The following CNTN4 variants were observed in gnomAD, a reference collection of about 807,000 sequenced individuals.
The protein encoded by CNTN4 is contactin 4.
In CNTN4, 77 loss-of-function variants were observed where a neutral mutation model predicts 122.5. The observed-to-expected ratio is 0.63, with a 90% CI of 0.52 to 0.76. The LOEUF (loss-of-function observed/expected upper bound fraction) is 0.76, where lower values mean the gene tolerates loss of function less well. Among genes scored for constraint, CNTN4 ranks in the 30% least tolerant of loss-of-function variants. CNTN4 has a pLI of 0.00. For missense variants in CNTN4, 1,256 were observed against 1,259.1 expected (o/e 1.00, Z 0.04); for synonymous variants, 512 against 447.0 (o/e 1.15, Z -1.83).
chr3:3,039,913 C>G (rs1032867081), intron 19 of CNTN4, 124 bp from the exon 20 acceptor site: 3 of 743,172 alleles, frequency 4.0e-6, no homozygotes, highest in African/African-American at 3.5e-5. Context: ...AGACTGTTAA[C>G]AAAACGCCAA....
chr3:2,828,137 G>A (rs1162271043), intron 7 of CNTN4, among the ~76,000 whole-genome samples: 1 of 152,050 alleles, frequency 6.6e-6, no homozygotes, highest in African/African-American at 2.4e-5. Context: ...GTATGTGTGT[G>A]TGTGTGCGTG....
At chr3:2,535,357 C>A (rs560141516) in intron 3 of CNTN4, among the ~76,000 whole-genome samples, 4 of 152,252 alleles carry the variant, frequency 2.6e-5, no homozygotes, top group East Asian at 3.9e-4. Flanking sequence ...TTACTGATAT[C>A]TGTCTTCACT....
At chr3:2,890,294 C>T (rs1330422456) in intron 10 of CNTN4, among the ~76,000 whole-genome samples, 1 of 152,150 alleles carries the variant, frequency 6.6e-6, no homozygotes, top group Admixed American at 6.5e-5. Context: ...TGGTCTGGGT[C>T]TTCCCAGTGC....
intron 3 of CNTN4, among the ~76,000 whole-genome samples, chr3:2,554,743 T>C (rs1047839914): frequency 1.3e-5 from 2 of 152,208 alleles, no homozygotes; most frequent in African/African-American, 2.4e-5. Flanking sequence ...AAATAGATGT[T>C]AGACTTTCGG....
chr3:2,400,461 CCTT>C (rs1333690477), intron 3 of CNTN4, among the ~76,000 whole-genome samples: 2 of 81,260 alleles, frequency 2.5e-5, no homozygotes, highest in Non-Finnish European at 5.5e-5. Flanking sequence ...CTCTTTTTTT[CCTT>C]CTTCTTAAAT....
chr3:2,757,893 A>G lies in CNTN4; in HGVS notation c.358+12196A>G, dbSNP rs117665362. On this transcript the variant is annotated intron_variant, in intron 6 of 24. Coordinates refer to ENST00000418658, the MANE Select transcript of CNTN4 (RefSeq NM_175607.3). ...CTCTCAGTAGATGGCACTGAAGGTA[A>G]TTTATCCCTGAAATATGTATTTAGG... 1.9e-3 allele frequency among the ~76,000 whole-genome samples: 282 copies of G among 152,336 alleles called. 3 individuals carry two copies. In the East Asian group the frequency reaches 0.046, roughly 25 times the overall value.
At chr3:2,839,828 C>T (rs555353593) in intron 7 of CNTN4, among the ~76,000 whole-genome samples, 139 of 152,246 alleles carry the variant, frequency 9.1e-4, no homozygotes, top group African/African-American at 3.1e-3. Context: ...AGTGTATGCC[C>T]GCAGAGCAGT....
chr3:2,686,718 G>A lies in CNTN4; in HGVS notation c.56-49497G>A, dbSNP rs150327744. The stretch of plus-strand genomic sequence containing the variant: ...GTCTCTGCTTTCACATTTCACTAAA[G>A]CTGTAGTACCCCAACTTCTAAGTCC... On this transcript the variant is annotated intron_variant, in intron 4 of 24. Transcript: ENST00000418658. Among the ~76,000 whole-genome samples the A allele has an allele frequency of 7.2e-5, 11 of 152,230 alleles. No homozygotes were observed. The East Asian group carries it at 2.1e-3, about 29-fold the overall frequency.
chr3:2,424,563 T>C (rs1399546671), intron 3 of CNTN4, among the ~76,000 whole-genome samples: 1 of 152,162 alleles, frequency 6.6e-6, no homozygotes, highest in East Asian at 1.9e-4. Context: ...TGATTTATAA[T>C]CCTTTGGGTA....
intron 14 of CNTN4, among the ~76,000 whole-genome samples, chr3:2,999,303 A>T (rs1400733680): frequency 1.3e-5 from 2 of 152,222 alleles, no homozygotes; most frequent in African/African-American, 4.8e-5. Context: ...ACAAAACAAA[A>T]AGAACAACTC....
intron 4 of CNTN4, among the ~76,000 whole-genome samples, chr3:2,691,136 G>C (rs1011254258): frequency 6.6e-5 from 10 of 152,066 alleles, no homozygotes; most frequent in Non-Finnish European, 1.2e-4. Flanking sequence ...TCTCTGCATT[G>C]GCAGTTACCC....
intron 3 of CNTN4, among the ~76,000 whole-genome samples, chr3:2,481,055 T>TTCTTTCTC (rs1553663018): frequency 0.015 from 2,028 of 134,744 alleles, 37 homozygotes; most frequent in African/African-American, 0.035. Flanking sequence ...CTTTCTTTCT[T>TTCTTTCTC]TCTTTCTCTC....
At position 2,278,362 on chromosome 3, in the gene CNTN4, C is replaced by G. The variant is rs530372187; in HGVS notation, c.-144-60816C>G. Among the ~76,000 whole-genome samples the G allele has an allele frequency of 2.6e-5, 4 of 152,304 alleles. No individual in the cohort carries two copies. In the East Asian group the frequency reaches 7.7e-4, roughly 29 times the overall value. The stretch of plus-strand genomic sequence containing the variant: ...CTTCACACATCCCAGTGAACCTCAG[C>G]ACATTAGCTGGTTACTGAGAAGGTA... On this transcript the variant is annotated intron_variant, in intron 2 of 24. Transcript: ENST00000418658.
chr3:2,960,641 T>A (rs924817097), intron 13 of CNTN4, among the ~76,000 whole-genome samples: 1 of 152,192 alleles, frequency 6.6e-6, no homozygotes, highest in Admixed American at 6.5e-5. Context: ...AAGTTCATTA[T>A]ATGAAAAACG....
At chr3:2,409,712 G>C (rs748158658) in intron 3 of CNTN4, among the ~76,000 whole-genome samples, 27 of 151,878 alleles carry the variant, frequency 1.8e-4, no homozygotes, top group Admixed American at 2.0e-4. Flanking sequence ...TGAATATTTA[G>C]ACTGTACTTG....
intron 8 of CNTN4, among the ~76,000 whole-genome samples, chr3:2,875,960 G>A (rs1393032843): frequency 9.9e-5 from 15 of 152,188 alleles, no homozygotes; most frequent in African/African-American, 3.4e-4. Flanking sequence ...AGCGCAAGCA[G>A]AGGTATTTGG....
chr3:2,847,945 A>G (rs1175241367), intron 7 of CNTN4, among the ~76,000 whole-genome samples: 1 of 152,182 alleles, frequency 6.6e-6, no homozygotes, highest in Non-Finnish European at 1.5e-5. Context: ...ACAACTGGCA[A>G]ATGTGGTATT....
At chr3:2,107,814 C>G (rs890056047) in intron 2 of CNTN4, among the ~76,000 whole-genome samples, 3 of 152,150 alleles carry the variant, frequency 2.0e-5, no homozygotes, top group Non-Finnish European at 4.4e-5. Context: ...CTGAGCTCAT[C>G]TTATGTCACT....
At chr3:2,849,114 A>G (rs2150616862) in intron 7 of CNTN4, among the ~76,000 whole-genome samples, 1 of 152,330 alleles carries the variant, frequency 6.6e-6, no homozygotes, top group South Asian at 2.1e-4. Flanking sequence ...ACCATGTACA[A>G]CAAGATCCAC....
Sources: gnomAD v4.1 joint callset for allele counts (sites outside exome capture counted in the v4.1 genomes callset) on GRCh38, gnomAD v4.1.1 for gene constraint, MANE v1.5 for transcripts, NCBI Gene and HGNC (gene_info 2026-07-23, HGNC 2026-07-21) for gene names.